The following KLF7 variants were observed in gnomAD, a reference collection of about 807,000 sequenced individuals.
The protein encoded by KLF7 is Krueppel-like factor 7.
In KLF7, 2 loss-of-function variants were observed where a neutral mutation model predicts 27.3. The observed-to-expected ratio is 0.07, with a 90% CI of 0.03 to 0.23. The LOEUF is 0.23. KLF7 is among the 10% of genes least tolerant of loss of function. The pLI is 1.00. For missense variants in KLF7, 221 were observed against 394.1 expected, an observed-to-expected ratio of 0.56 and a Z score of 3.72; for synonymous variants, 165 against 162.4, an observed-to-expected ratio of 1.02 and a Z score of -0.12.
At chr2:207,140,237 G>T (rs1469166191) in intron 1 of KLF7, among the ~76,000 whole-genome samples, 1 of 152,226 alleles carries the variant, frequency 6.6e-6, no homozygotes, top group East Asian at 1.9e-4. Flanking sequence ...ATTTATTGAA[G>T]ACCTTATTTT....
chr2:207,114,556 A>G (rs1431718456), intron 2 of KLF7, among the ~76,000 whole-genome samples: 1 of 152,260 alleles, frequency 6.6e-6, no homozygotes, highest in Non-Finnish European at 1.5e-5. Context: ...AATATGTACC[A>G]GAGTCAAGCT....
chr2:207,154,680 T>C (rs779635022), intron 1 of KLF7, among the ~76,000 whole-genome samples: 8 of 151,438 alleles, frequency 5.3e-5, no homozygotes, highest in Non-Finnish European at 1.2e-4. Context: ...GAGAGGAAAA[T>C]GGGGAAGGAA....
intron 1 of KLF7, among the ~76,000 whole-genome samples, chr2:207,149,514 T>C (rs1455876199): frequency 1.3e-5 from 2 of 152,204 alleles, no homozygotes; most frequent in Admixed American, 6.5e-5. Context: ...GATAAGGCAC[T>C]CCTGCCACAG....
chr2:207,150,977 G>A (rs991983544), intron 1 of KLF7, among the ~76,000 whole-genome samples: 35 of 119,974 alleles, frequency 2.9e-4, no homozygotes, highest in Non-Finnish European at 6.5e-5. Context: ...AGCTCTGAGT[G>A]TAAGACCTGT....
intron 1 of KLF7, among the ~76,000 whole-genome samples, chr2:207,140,801 T>G (rs942085057): frequency 1.7e-4 from 26 of 152,170 alleles, no homozygotes; most frequent in African/African-American, 5.1e-4. Context: ...GATTCAGAAA[T>G]GTATGCTGGT....
rs138179468 is a variant in KLF7 at position 207,106,474 on chromosome 2, G to A, written c.733+17300C>T. On this transcript the variant is annotated intron_variant, in intron 2 of 3. Transcript: ENST00000309446. ...GAGATGAAAAAAAATTGATTGAAAG[G>A]ACATCTATCACAGATGCCTCCCAGG... Among the ~76,000 whole-genome samples, 490 of 152,274 alleles carry A rather than the reference G, an allele frequency of 3.2e-3. 1 individual carries two copies. Among genetic ancestry groups the A allele is most frequent in the African/African-American group, 0.011 (474 of 41,552 alleles).
In KLF7 at chr2:207,159,552, C is replaced by A. The variant is rs79767071; in HGVS notation, c.102+5915G>T. ...AGATTCTATATCCAATTCAATTTTG[C>A]ATTGCCCAAATACAGTATTATGCAC... is the stretch of plus-strand genomic sequence containing the variant. On this transcript the variant is annotated intron_variant, in intron 1 of 3. Transcript: ENST00000309446. Among the ~76,000 whole-genome samples the A allele has an allele frequency of 5.8e-3, 889 of 152,274 alleles. 15 individuals carry two copies. Among genetic ancestry groups the A allele is most frequent in the African/African-American group, 0.02 (819 of 41,542 alleles).
Position 207,125,221 on chromosome 2 carries a change from CAG to C in KLF7, c.103-819_103-818del, listed in dbSNP as rs570217170. 1.2e-4 allele frequency among the ~76,000 whole-genome samples: 19 copies of C among 152,236 alleles called. No individual in the cohort carries two copies. The East Asian group carries it at 2.9e-3, about 23-fold the overall frequency. ...ATAAAATTTTCACCCGATAAAGAAA[CAG>C]GGGAGAAGAACAAAAAAGTTTAGTT... On this transcript the variant is annotated intron_variant, in intron 1 of 3. Transcript: ENST00000309446.
intron 1 of KLF7, among the ~76,000 whole-genome samples, chr2:207,131,413 T>A (rs2077630654): frequency 6.6e-6 from 1 of 151,832 alleles, no homozygotes; most frequent in Admixed American, 6.6e-5. Context: ...CCTGGGAGGG[T>A]CCCAAAGTTT....
At chr2:207,130,554 A>G (rs1413205328) in intron 1 of KLF7, among the ~76,000 whole-genome samples, 2 of 152,332 alleles carry the variant, frequency 1.3e-5, no homozygotes, top group East Asian at 1.9e-4. Flanking sequence ...GAGAGTTGGA[A>G]GAGCTAGAAC....
At chr2:207,090,026 C>CA in intron 2 of KLF7, among the ~76,000 whole-genome samples, 1 of 152,140 alleles carries the variant, frequency 6.6e-6, no homozygotes, top group African/African-American at 2.4e-5. Flanking sequence ...GACTACAAAG[C>CA]ATTCACAATT....
At chr2:207,092,206 T>C (rs2076528074) in intron 2 of KLF7, among the ~76,000 whole-genome samples, 1 of 152,172 alleles carries the variant, frequency 6.6e-6, no homozygotes, top group Admixed American at 6.5e-5. Flanking sequence ...ACTGCACCTC[T>C]AGAGTGAACA....
rs183955445 is a variant in KLF7, at chr2:207,095,841, T to G, written c.734-7260A>C. Among the ~76,000 whole-genome samples, 759 of 152,310 alleles carry G rather than the reference T, an allele frequency of 5.0e-3. 3 individuals are homozygous for G. The highest frequency in any genetic ancestry group is 9.0e-3 in the Non-Finnish European group (610 of 68,024). The stretch of plus-strand genomic sequence containing the variant: ...TCACTAATAACTGTTTAAATATTGA[T>G]TTTATGTTGAAATGATTATATTTTA... On this transcript the variant is annotated intron_variant, in intron 2 of 3. Coordinates refer to ENST00000309446, the MANE Select transcript of KLF7 (RefSeq NM_003709.4).
chr2:207,096,921 G>A (rs553573346), intron 2 of KLF7, among the ~76,000 whole-genome samples: 2 of 152,250 alleles, frequency 1.3e-5, no homozygotes, highest in East Asian at 3.9e-4. Flanking sequence ...CAGTCCTCTA[G>A]CAACAGTGGT....
At chr2:207,163,983 G>A (rs1174350428) in intron 1 of KLF7, among the ~76,000 whole-genome samples, 2 of 152,252 alleles carry the variant, frequency 1.3e-5, no homozygotes, top group Non-Finnish European at 2.9e-5. Context: ...TGTGTTTACA[G>A]AGAGACAGAG....
intron 1 of KLF7, among the ~76,000 whole-genome samples, chr2:207,137,652 A>G (rs545281957): frequency 8.5e-5 from 13 of 152,330 alleles, no homozygotes; most frequent in African/African-American, 3.1e-4. Context: ...TATAAGCAGT[A>G]CAGGGTTCCT....
intron 1 of KLF7, 149 bp from the exon 2 acceptor site, chr2:207,124,553 A>G (rs2077430070): frequency 4.2e-6 from 3 of 715,620 alleles, no homozygotes; most frequent in African/African-American, 3.5e-5. Context: ...TGACCTTGTT[A>G]TTTATTCTCT....
intron 1 of KLF7, among the ~76,000 whole-genome samples, chr2:207,141,012 TTCC>T (rs2106059605): frequency 6.6e-6 from 1 of 152,298 alleles, no homozygotes; most frequent in Non-Finnish European, 1.5e-5. Flanking sequence ...CTCTATGCGT[TTCC>T]TCAAGTCATC....
intron 1 of KLF7, among the ~76,000 whole-genome samples, chr2:207,127,440 T>C (rs10199618): frequency 0.031 from 4,673 of 152,278 alleles, 83 homozygotes; most frequent in South Asian, 0.06. Context: ...AGTATGGAGA[T>C]TAAAATGTTA....
Sources: allele counts gnomAD v4.1 joint callset (sites outside exome capture counted in the v4.1 genomes callset), GRCh38; gene constraint gnomAD v4.1.1; transcripts MANE v1.5; gene names NCBI Gene and HGNC (gene_info 2026-07-23, HGNC 2026-07-21).